ATP6V1H: variants seen among roughly 807,000 people sequenced by gnomAD.
The protein encoded by ATP6V1H is ATPase H+ transporting V1 subunit H, also known as V-type proton ATPase subunit H.
Under a neutral mutation model 71.7 loss-of-function variants are expected in ATP6V1H, and 39 were observed. The ratio of observed to expected loss-of-function variants is 0.54; its 90% CI spans 0.42 to 0.71. The LOEUF is 0.71. ATP6V1H is among the 30% of genes least tolerant of loss of function. The probability of loss-of-function intolerance (pLI) is 0.00; values close to 1 mark genes in which losing one functional copy is unlikely to be tolerated. For synonymous variants in ATP6V1H, 192 were observed against 199.3 expected (o/e 0.96, Z 0.31); for missense variants, 509 against 594.9 (o/e 0.86, Z 1.50).
At chr8:53,759,642 T>G (rs532133277) in intron 11 of ATP6V1H, among the ~76,000 whole-genome samples, 1 of 152,378 alleles carries the variant, frequency 6.6e-6, no homozygotes, top group East Asian at 1.9e-4. Flanking sequence ...ATTATTCTAA[T>G]TGATCATTCA....
rs141088781 is a variant in ATP6V1H, at chr8:53,810,988, A to G, written c.579+176T>C. On this transcript the variant is annotated intron_variant, in intron 7 of 13. Transcript: ENST00000359530. ...ACAAGTCTTATGTCTACCACAGAAA[A>G]GATGATCTCCACAGACCATCAATAT... 1.6e-4 allele frequency among the ~76,000 whole-genome samples: 24 copies of G among 152,338 alleles called. No homozygotes were observed. The East Asian group carries it at 3.1e-3, about 20-fold the overall frequency.
At chr8:53,730,179 A>G (rs1452904838) in intron 13 of ATP6V1H, among the ~76,000 whole-genome samples, 1 of 152,218 alleles carries the variant, frequency 6.6e-6, no homozygotes, top group Non-Finnish European at 1.5e-5. Context: ...TCTGGTCTCC[A>G]GTTTCAGTGG....
intron 13 of ATP6V1H, among the ~76,000 whole-genome samples, chr8:53,729,615 G>C (rs1368709025): frequency 1.3e-5 from 2 of 152,246 alleles, no homozygotes; most frequent in Non-Finnish European, 2.9e-5. Flanking sequence ...GAGGAAGGGA[G>C]TGTGGAATGG....
intron 13 of ATP6V1H, among the ~76,000 whole-genome samples, chr8:53,719,375 T>G (rs148351120): frequency 0.027 from 4,078 of 152,222 alleles, 187 homozygotes; most frequent in East Asian, 0.22. Flanking sequence ...TCTGCCATGT[T>G]GGCCAGGCTG....
chr8:53,830,618 C>T (rs746252143), intron 3 of ATP6V1H, among the ~76,000 whole-genome samples: 3 of 152,008 alleles, frequency 2.0e-5, no homozygotes, highest in Admixed American at 6.6e-5. Flanking sequence ...AGATATACTG[C>T]CATTTTGTTT....
At chr8:53,815,284 CCATTTTCTT>C (rs1454222366) in intron 5 of ATP6V1H, among the ~76,000 whole-genome samples, 1 of 152,138 alleles carries the variant, frequency 6.6e-6, no homozygotes, top group Non-Finnish European at 1.5e-5. Flanking sequence ...AAAGATTTCT[CCATTTTCTT>C]CAAGCTATAA....
chr8:53,755,479 C>T (rs1307885702), intron 12 of ATP6V1H, among the ~76,000 whole-genome samples: 1 of 139,742 alleles, frequency 7.2e-6, no homozygotes, highest in Non-Finnish European at 1.5e-5. Context: ...ACCAAGCAGC[C>T]CTTTCCCTTA....
intron 12 of ATP6V1H, among the ~76,000 whole-genome samples, chr8:53,755,545 A>G (rs1455714917): frequency 6.7e-6 from 1 of 149,760 alleles, no homozygotes; most frequent in African/African-American, 2.5e-5. Flanking sequence ...TAAGGGCCAG[A>G]TAAGTAAATA....
chr8:53,730,482 A>T (rs1806979690), intron 13 of ATP6V1H, among the ~76,000 whole-genome samples: 1 of 152,128 alleles, frequency 6.6e-6, no homozygotes, highest in South Asian at 2.1e-4. Flanking sequence ...AAATATTGCA[A>T]AGTTTTTTTA....
At chr8:53,815,392 G>C (rs1056702803) in intron 5 of ATP6V1H, among the ~76,000 whole-genome samples, 1 of 152,158 alleles carries the variant, frequency 6.6e-6, no homozygotes, top group Admixed American at 6.5e-5. Context: ...TCAGTACTGA[G>C]AGCAAATCAC....
intron 4 of ATP6V1H, among the ~76,000 whole-genome samples, chr8:53,823,969 A>G (rs186946230): frequency 1.1e-3 from 168 of 152,120 alleles, no homozygotes; most frequent in African/African-American, 3.6e-3. Context: ...AAAATTAACA[A>G]AATGGGGGAG....
At chr8:53,735,820 T>C (rs185002619) in intron 13 of ATP6V1H, among the ~76,000 whole-genome samples, 2 of 152,354 alleles carry the variant, frequency 1.3e-5, no homozygotes, top group Admixed American at 1.3e-4. Context: ...ATAGGCCCTA[T>C]ACTGTAATCT....
At chr8:53,836,180 C>T (rs1811155775) in intron 2 of ATP6V1H, among the ~76,000 whole-genome samples, 1 of 152,128 alleles carries the variant, frequency 6.6e-6, no homozygotes, top group Admixed American at 6.5e-5. Context: ...ATGTTGAGCA[C>T]ACTGATAAAC....
chr8:53,769,699 T>C lies in ATP6V1H; in HGVS notation c.1094A>G (p.Glu365Gly), dbSNP rs1321105512. 4 of 1,612,552 alleles carry C rather than the reference T, an allele frequency of 2.5e-6. No individual in the cohort carries two copies. In the South Asian group the frequency reaches 3.3e-5, roughly 13 times the overall value. ...CTCAGATTTGTGCACAGGACTCCAT[T>C]CCAACCTTCCAGATTTAAGTTCTGA... ...YSSELKSGRL[E>G]WSPVHKSEKF... is the part of the protein sequence containing the mutation. Residue 365 changes from glutamate (E) to glycine (G), a missense_variant, in exon 11 of 14, where the codon GAA becomes GGA. This residue lies in a region of ATP6V1H where 212 missense variants were observed against 291.6 expected (regional missense o/e 0.73). Transcript: ENST00000359530.
chr8:53,727,116 T>A (rs1003484958), intron 13 of ATP6V1H, among the ~76,000 whole-genome samples: 2 of 152,226 alleles, frequency 1.3e-5, no homozygotes, highest in Non-Finnish European at 2.9e-5. Flanking sequence ...ACGCTTTTAA[T>A]GGTAGACAGT....
At chr8:53,827,618 C>T (rs535316404) in intron 4 of ATP6V1H, among the ~76,000 whole-genome samples, 1 of 151,560 alleles carries the variant, frequency 6.6e-6, no homozygotes, top group South Asian at 2.1e-4. Flanking sequence ...TTTTTCAACT[C>T]GTATTTTAGG....
intron 11 of ATP6V1H, among the ~76,000 whole-genome samples, chr8:53,760,623 C>G (rs1030611690): frequency 7.2e-5 from 11 of 152,188 alleles, no homozygotes; most frequent in African/African-American, 2.7e-4. Flanking sequence ...TGCCCCTCAG[C>G]AGAATTATTT....
At chr8:53,815,459 T>A (rs1366035428) in intron 5 of ATP6V1H, among the ~76,000 whole-genome samples, 1 of 152,218 alleles carries the variant, frequency 6.6e-6, no homozygotes, top group African/African-American at 2.4e-5. Context: ...AATGAAAGGC[T>A]ACACTAGCTA....
At chr8:53,731,086 G>T (rs1037375576) in intron 13 of ATP6V1H, among the ~76,000 whole-genome samples, 5 of 152,192 alleles carry the variant, frequency 3.3e-5, no homozygotes, top group Non-Finnish European at 7.3e-5. Context: ...TAGAATCCCA[G>T]TTCCACTTCT....
Sources: gnomAD v4.1 joint callset for allele counts (sites outside exome capture counted in the v4.1 genomes callset) on GRCh38, gnomAD v4.1.1 for gene constraint, gnomAD v4.1.1 regional missense constraint, MANE v1.5 for transcripts, NCBI Gene and HGNC (gene_info 2026-07-23, HGNC 2026-07-21) for gene names.